GALNT4: variants seen among roughly 807,000 people sequenced by gnomAD.
GALNT4 encodes polypeptide N-acetylgalactosaminyltransferase 4.
GALNT4 carries 23 observed loss-of-function variants against 45.1 expected under a neutral mutation model. The observed-to-expected ratio is 0.51, with a 90% CI of 0.37 to 0.72. GALNT4 has a LOEUF of 0.72. GALNT4 is among the 30% of genes least tolerant of loss of function. The probability of loss-of-function intolerance (pLI) is 0.00; values close to 1 mark genes in which losing one functional copy is unlikely to be tolerated. For missense variants in GALNT4, 757 were observed against 709.0 expected (o/e 1.07, Z -0.77); for synonymous variants, 264 against 257.6 (o/e 1.02, Z -0.24).
Position 89,523,483 on chromosome 12 carries a change from G to A in GALNT4, c.1067C>T (p.Pro356Leu), listed in dbSNP as rs371227409. 2.0e-5 allele frequency: 32 copies of A among 1,612,630 alleles called. No individual in the cohort carries two copies. The Admixed American group carries it at 2.5e-4, about 13-fold the overall frequency. Residue 356 changes from proline to leucine, a missense_variant, in exon 1 of 1, where the codon CCG becomes CTG. Pro to Leu is a moderately conservative substitution (Grantham distance 98, BLOSUM62 -3). Transcript: ENST00000529983. ...GAACACATGGCCCACGTGGGAACAC[G>A]GGTGGATCTCCAATTTGCCACCACA... ...WQCGGKLEIH[P>L]CSHVGHVFPK...
Position 89,519,447 on chromosome 12 carries a change from A to G in GALNT4, c.*3366T>C, listed in dbSNP as rs1291991023. ...TAATCAGGCACACTTTTTATTTTACATCTTAATCAACATTACAAATACAAA... is the reference window on the plus strand; with the variant it reads ...TAATCAGGCACACTTTTTATTTTACGTCTTAATCAACATTACAAATACAAA... On this transcript the variant is annotated 3_prime_UTR_variant, in exon 1 of 1. Transcript: ENST00000529983. 2 of 152,266 alleles carry G rather than the reference A, an allele frequency of 1.3e-5. No homozygotes were observed. The highest frequency in any genetic ancestry group is 1.9e-4 in the East Asian group (1 of 5,204). 9.4% of individuals were successfully genotyped at this position (152,266 alleles called of 1,614,324 possible). A position where few individuals can be genotyped will look rare whatever the true frequency, so the allele number is the denominator to read the frequency against.
At position 89,524,581 on chromosome 12, in the gene GALNT4, C is replaced by T. The variant is rs557660909; in HGVS notation, c.-32G>A. On this transcript the variant is annotated 5_prime_UTR_variant, in exon 1 of 1. An upstream open reading frame in the 5' UTR gains an earlier in-frame stop. Coordinates refer to ENST00000529983, the MANE Select transcript of GALNT4 (RefSeq NM_003774.5). ...TCTCAGGGCTGAGGCGCAGACGCGG[C>T]CACCAAGCCACCACGCAGGGGAAGG... 66 of 1,606,408 alleles carry T rather than the reference C, an allele frequency of 4.1e-5. No homozygotes were observed. The African/African-American group carries it at 8.0e-4, about 20-fold the overall frequency.
chr12:89,522,758 G>C lies in GALNT4; in HGVS notation c.*55C>G, dbSNP rs1437819049. The C allele has an allele frequency of 8.6e-6, 13 of 1,517,272 alleles. No individual in the cohort carries two copies. The highest frequency in any genetic ancestry group is 1.1e-5 in the Non-Finnish European group (13 of 1,136,230). The allele number at this position is 1,517,272 out of a possible 1,614,324, so 94.0% of individuals were successfully genotyped here. Reference sequence around the variant, plus strand: ...TACAATCTTCACTGAGGCTCTTAAGGCTCTTTGACTTTCTTGACACTACTG... The same window carrying C: ...TACAATCTTCACTGAGGCTCTTAAGCCTCTTTGACTTTCTTGACACTACTG... On this transcript the variant is annotated 3_prime_UTR_variant, in exon 1 of 1. Coordinates refer to ENST00000529983, the MANE Select transcript of GALNT4 (RefSeq NM_003774.5).
rs1391813146 is a variant in GALNT4, at chr12:89,521,949, GTTTAC to G, written c.*859_*863del. The G allele has an allele frequency of 2.5e-6, 1 of 398,754 alleles. No homozygotes were observed. Among genetic ancestry groups the G allele is most frequent in the Non-Finnish European group, 4.4e-6 (1 of 226,056 alleles). 24.7% of individuals were successfully genotyped at this position (398,754 alleles called of 1,614,324 possible). ...TTAACTTCAGAGAGGCTTCAATTGT[GTTTAC>G]TTTAAATGATTAAGCATTAACAAAG... On this transcript the variant is annotated 3_prime_UTR_variant, in exon 1 of 1. Transcript: ENST00000529983.
At position 89,519,849 on chromosome 12, in the gene GALNT4, C is replaced by G. The variant is rs1036851493; in HGVS notation, c.*2964G>C. Reference sequence around the variant, plus strand: ...TGCCTATTTAGATAGTCAACCTATCCGTAAAGTTGGACACTAAATGACATA... The same window carrying G: ...TGCCTATTTAGATAGTCAACCTATCGGTAAAGTTGGACACTAAATGACATA... On this transcript the variant is annotated 3_prime_UTR_variant, in exon 1 of 1. Coordinates refer to ENST00000529983, the MANE Select transcript of GALNT4 (RefSeq NM_003774.5). 2.0e-5 allele frequency: 3 copies of G among 152,106 alleles called. No homozygotes were observed. Among genetic ancestry groups the G allele is most frequent in the African/African-American group, 7.3e-5 (3 of 41,322 alleles). The allele number at this position is 152,106 out of a possible 1,614,324, so 9.4% of individuals were successfully genotyped here.
rs1249820649 is a variant in GALNT4 at position 89,522,937 on chromosome 12, G to T, written c.1613C>A (p.Thr538Asn). 1.2e-6 allele frequency: 2 copies of T among 1,614,076 alleles called. No homozygotes were observed. Among genetic ancestry groups the T allele is most frequent in the Non-Finnish European group, 1.7e-6 (2 of 1,179,910 alleles). The part of the protein sequence containing the change: ...NIIWHFKEDG[T>N]IFHPHSGLCL... ...CAGTCCTGAGTGTGGGTGAAAAATAGTTCCATCTTCTTTAAAATGCCAAAT... is the reference window on the plus strand; with the variant it reads ...CAGTCCTGAGTGTGGGTGAAAAATATTTCCATCTTCTTTAAAATGCCAAAT... The change falls in exon 1 of 1, where the codon ACT becomes AAT. Residue 538 changes from threonine to asparagine, a missense_variant. Thr to Asn is a moderately conservative substitution (Grantham distance 65, BLOSUM62 0). Coordinates refer to ENST00000529983, the MANE Select transcript of GALNT4 (RefSeq NM_003774.5).
rs1192582904 is a variant in GALNT4, at chr12:89,520,567, T to G, written c.*2246A>C. 2 of 152,222 alleles carry G rather than the reference T, an allele frequency of 1.3e-5. No homozygotes were observed. Among genetic ancestry groups the G allele is most frequent in the East Asian group, 3.8e-4 (2 of 5,206 alleles). The allele number at this position is 152,222 out of a possible 1,614,324, so 9.4% of individuals were successfully genotyped here. ...ATGCTGCACGTGGAATCTGGACAAT[T>G]TTTTGATAAACTTTAAGGCTGCTAA... On this transcript the variant is annotated 3_prime_UTR_variant, in exon 1 of 1. Coordinates refer to ENST00000529983, the MANE Select transcript of GALNT4 (RefSeq NM_003774.5).
rs10858893 is a variant in GALNT4, at chr12:89,519,546, G to A, written c.*3267C>T. On this transcript the variant is annotated 3_prime_UTR_variant, in exon 1 of 1. Transcript: ENST00000529983. ...AGAAGAGATTAATCTGAACTTCAACGTTCTTTGTGCTCATTTTAAAATTAT... is the reference window on the plus strand; with the variant it reads ...AGAAGAGATTAATCTGAACTTCAACATTCTTTGTGCTCATTTTAAAATTAT... The A allele has an allele frequency of 0.72, 110,375 of 152,488 alleles. 40,041 individuals are homozygous for A. The highest frequency in any genetic ancestry group is 0.82 in the Middle Eastern group (240 of 294). The allele number at this position is 152,488 out of a possible 1,614,324, so 9.4% of individuals were successfully genotyped here.
At position 89,524,593 on chromosome 12, in the gene GALNT4, C is replaced by A; in HGVS notation, c.-44G>T. 3 of 1,602,074 alleles carry A rather than the reference C, an allele frequency of 1.9e-6. No homozygotes were observed. Among genetic ancestry groups the A allele is most frequent in the Non-Finnish European group, 2.6e-6 (3 of 1,174,352 alleles). ...GGCGCAGACGCGGCCACCAAGCCAC[C>A]ACGCAGGGGAAGGGCGGCGGAACCC... On this transcript the variant is annotated 5_prime_UTR_variant, in exon 1 of 1. Coordinates refer to ENST00000529983, the MANE Select transcript of GALNT4 (RefSeq NM_003774.5).
rs1871144202 is a variant in GALNT4 at position 89,523,749 on chromosome 12, A to G, written c.801T>C (p.Tyr267=). The part of the protein sequence containing the change: ...DTIDWNTFEF[Y]MQIGEPMIGG... ...CAATCATGGGCTCCCCTATCTGCATATAGAATTCAAAAGTATTCCAATCAA... is the reference window on the plus strand; with the variant it reads ...CAATCATGGGCTCCCCTATCTGCATGTAGAATTCAAAAGTATTCCAATCAA... The change falls in exon 1 of 1, where the codon TAT becomes TAC. Residue 267 remains tyrosine, a synonymous_variant. Transcript: ENST00000529983. 6.5e-7 allele frequency: 1 copy of G among 1,543,874 alleles called. No homozygotes were observed. Among genetic ancestry groups the G allele is most frequent in the Non-Finnish European group, 8.7e-7 (1 of 1,152,286 alleles).
In GALNT4 at chr12:89,524,579, G is replaced by A. The variant is rs759287764; in HGVS notation, c.-30C>T. The A allele has an allele frequency of 5.6e-6, 9 of 1,608,328 alleles. No homozygotes were observed. The highest frequency in any genetic ancestry group is 7.6e-6 in the Non-Finnish European group (9 of 1,178,898). ...ATTCTCAGGGCTGAGGCGCAGACGC[G>A]GCCACCAAGCCACCACGCAGGGGAA... is the stretch of plus-strand genomic sequence containing the variant. On this transcript the variant is annotated 5_prime_UTR_variant, in exon 1 of 1. Coordinates refer to ENST00000529983, the MANE Select transcript of GALNT4 (RefSeq NM_003774.5).
At position 89,521,581 on chromosome 12, in the gene GALNT4, G is replaced by A. The variant is rs1450541700; in HGVS notation, c.*1232C>T. ...ACTGTACAATCAGCATTTCAGAGCT[G>A]GAAGGGATCTTTAAGATCCAATCCA... On this transcript the variant is annotated 3_prime_UTR_variant, in exon 1 of 1. Transcript: ENST00000529983. 2 of 159,334 alleles carry A rather than the reference G, an allele frequency of 1.3e-5. No homozygotes were observed. Among genetic ancestry groups the A allele is most frequent in the East Asian group, 3.6e-4 (2 of 5,494 alleles). 9.9% of individuals were successfully genotyped at this position (159,334 alleles called of 1,614,324 possible). A position where few individuals can be genotyped will look rare whatever the true frequency, so the allele number is the denominator to read the frequency against.
rs1395407847 is a variant in GALNT4 at position 89,519,556 on chromosome 12, C to T, written c.*3257G>A. 1 of 152,518 alleles carries T rather than the reference C, an allele frequency of 6.6e-6. No individual in the cohort carries two copies. The highest frequency in any genetic ancestry group is 6.6e-5 in the Admixed American group (1 of 15,260). The allele number at this position is 152,518 out of a possible 1,614,324, so 9.4% of individuals were successfully genotyped here. ...AATCTGAACTTCAACGTTCTTTGTG[C>T]TCATTTTAAAATTATTAAAACAGGA... is the stretch of plus-strand genomic sequence containing the variant. On this transcript the variant is annotated 3_prime_UTR_variant, in exon 1 of 1. Transcript: ENST00000529983.
Position 89,524,736 on chromosome 12 carries a change from G to A in GALNT4, c.-187C>T. On this transcript the variant is annotated 5_prime_UTR_variant, in exon 1 of 1. Coordinates refer to ENST00000529983, the MANE Select transcript of GALNT4 (RefSeq NM_003774.5). ...GAGCCCTCTCGGTCCTCGGCCTCCGGCACAGCCCAACTCCTCTCTCCCTAC... is the reference window on the plus strand; with the variant it reads ...GAGCCCTCTCGGTCCTCGGCCTCCGACACAGCCCAACTCCTCTCTCCCTAC... 3 of 661,712 alleles carry A rather than the reference G, an allele frequency of 4.5e-6. No individual in the cohort carries two copies. The highest frequency in any genetic ancestry group is 7.9e-6 in the Non-Finnish European group (3 of 380,890). 41.0% of individuals were successfully genotyped at this position (661,712 alleles called of 1,614,324 possible).
chr12:89,524,185 T>C lies in GALNT4; in HGVS notation c.365A>G (p.Tyr122Cys). The stretch of plus-strand genomic sequence containing the variant: ...GTTGAACTTCTGGGACTTACACTCA[T>C]ACATTCTTTTATCCTCTATGTGTCG... ...LHRHIEDKRM[Y>C]ECKSQKFNYR... Residue 122 changes from tyrosine to cysteine, a missense_variant, in exon 1 of 1, where the codon TAT (tyrosine) becomes TGT (cysteine). Coordinates refer to ENST00000529983, the MANE Select transcript of GALNT4 (RefSeq NM_003774.5). The C allele has an allele frequency of 6.2e-7, 1 of 1,614,010 alleles. No homozygotes were observed. The highest frequency in any genetic ancestry group is 8.5e-7 in the Non-Finnish European group (1 of 1,179,896).
In GALNT4 at chr12:89,522,455, A is replaced by C. The variant is rs576262550; in HGVS notation, c.*358T>G. The stretch of plus-strand genomic sequence containing the variant: ...AAAGTGGGATGTGCGGTGAACTTAC[A>C]CATCAACATAAATCATACCTCATTT... On this transcript the variant is annotated 3_prime_UTR_variant, in exon 1 of 1. Transcript: ENST00000529983. 5.6e-6 allele frequency: 2 copies of C among 356,798 alleles called. No homozygotes were observed. Among genetic ancestry groups the C allele is most frequent in the African/African-American group, 4.2e-5 (2 of 48,086 alleles). The allele number at this position is 356,798 out of a possible 1,614,324, so 22.1% of individuals were successfully genotyped here. A position where few individuals can be genotyped will look rare whatever the true frequency, so the allele number is the denominator to read the frequency against.
At position 89,524,598 on chromosome 12, in the gene GALNT4, A is replaced by T. The variant is rs945233737; in HGVS notation, c.-49T>A. 2 of 1,594,404 alleles carry T rather than the reference A, an allele frequency of 1.3e-6. No individual in the cohort carries two copies. Among genetic ancestry groups the T allele is most frequent in the African/African-American group, 2.7e-5 (2 of 74,012 alleles). ...AGACGCGGCCACCAAGCCACCACGCAGGGGAAGGGCGGCGGAACCCACAGC... is the reference window on the plus strand; with the variant it reads ...AGACGCGGCCACCAAGCCACCACGCTGGGGAAGGGCGGCGGAACCCACAGC... On this transcript the variant is annotated 5_prime_UTR_variant, in exon 1 of 1. Transcript: ENST00000529983.
At position 89,522,119 on chromosome 12, in the gene GALNT4, A is replaced by G. The variant is rs1334439551; in HGVS notation, c.*694T>C. Reference sequence around the variant, plus strand: ...TCAGAGGAATCTGAGGTATTAATATATACATCAGTGAAGTCCAATAGCTCA... The same window carrying G: ...TCAGAGGAATCTGAGGTATTAATATGTACATCAGTGAAGTCCAATAGCTCA... On this transcript the variant is annotated 3_prime_UTR_variant, in exon 1 of 1. Transcript: ENST00000529983. The G allele has an allele frequency of 5.0e-6, 2 of 398,924 alleles. No individual in the cohort carries two copies. The highest frequency in any genetic ancestry group is 4.4e-6 in the Non-Finnish European group (1 of 226,064). The allele number at this position is 398,924 out of a possible 1,614,324, so 24.7% of individuals were successfully genotyped here.
chr12:89,522,472 A>G lies in GALNT4; in HGVS notation c.*341T>C. 2.9e-6 allele frequency: 1 copy of G among 350,830 alleles called. No homozygotes were observed. The highest frequency in any genetic ancestry group is 4.7e-5 in the Admixed American group (1 of 21,496). 21.7% of individuals were successfully genotyped at this position (350,830 alleles called of 1,614,324 possible). A position where few individuals can be genotyped will look rare whatever the true frequency, so the allele number is the denominator to read the frequency against. ...GAACTTACACATCAACATAAATCAT[A>G]CCTCATTTTACTTGGACCTTTACAT... On this transcript the variant is annotated 3_prime_UTR_variant, in exon 1 of 1. Transcript: ENST00000529983.
Sources: gnomAD v4.1 joint callset for allele counts on GRCh38, gnomAD v4.1.1 for gene constraint, MANE v1.5 for transcripts, NCBI Gene and HGNC (gene_info 2026-07-23, HGNC 2026-07-21) for gene names.